The following ABCC1 variants were observed in gnomAD, a reference collection of about 807,000 sequenced individuals.
ABCC1 encodes the protein multidrug resistance-associated protein 1.
ABCC1 carries 83 observed loss-of-function variants against 172.9 expected under a neutral mutation model. That is an observed-to-expected ratio of 0.48 (90% CI 0.40 to 0.58). The LOEUF (loss-of-function observed/expected upper bound fraction) is 0.58. ABCC1 is among the 20% of genes least tolerant of loss of function. The pLI, the probability that ABCC1 is intolerant of heterozygous loss-of-function variation, is 0.00. For synonymous variants in ABCC1, 937 were observed against 825.2 expected, an observed-to-expected ratio of 1.14 and a Z score of -2.32; for missense variants, 1,817 against 2,002.7, an observed-to-expected ratio of 0.91 and a Z score of 1.77.
At chr16:16,098,852 T>A (rs2152046330) in intron 19 of ABCC1, 2 of 1,352,042 alleles carry the variant, frequency 1.5e-6, no homozygotes, top group Middle Eastern at 4.2e-4. Context: ...TAACAATATC[T>A]TGGGTCTTCT....
intron 24 of ABCC1, among the ~76,000 whole-genome samples, chr16:16,124,524 AG>A (rs1465842180): frequency 6.6e-6 from 1 of 152,156 alleles, no homozygotes; most frequent in Non-Finnish European, 1.5e-5. Context: ...TTCAGATTCC[AG>A]GGAAGATTGC....
rs756593271 is a variant in ABCC1, at chr16:16,083,368, C to A, written c.2118C>A (p.Gly706=). The A allele has an allele frequency of 1.2e-6, 2 of 1,612,976 alleles. No homozygotes were observed. The highest frequency in any genetic ancestry group is 1.7e-6 in the Non-Finnish European group (2 of 1,179,764). The change falls in exon 17 of 31, where the codon GGC becomes GGA. Residue 706 remains glycine, a splice_region_variant and synonymous_variant. Transcript: ENST00000399410. ...CTCGTTCTCCATTTGCAACTTAGGG[C>A]TCCGTGGCCTATGTGCCACAGCAGG... is the stretch of plus-strand genomic sequence containing the variant. ...DKVEGHVAIK[G]SVAYVPQQAW...
Position 15,983,552 on chromosome 16 carries a change from C to CTTTTT in ABCC1, c.49-24251_49-24247dup, listed in dbSNP as rs11416710. On this transcript the variant is annotated intron_variant, in intron 1 of 30. Coordinates refer to ENST00000399410, the MANE Select transcript of ABCC1 (RefSeq NM_004996.4). ...ACATGTCTTCTAATGGTACACCACA[C>CTTTTT]TTTTTTTTTTTTTTTTTGGTTTTGA... Among the ~76,000 whole-genome samples the CTTTTT allele has an allele frequency of 1.9e-4, 24 of 126,518 alleles. 1 individual carries two copies. Among genetic ancestry groups the CTTTTT allele is most frequent in the South Asian group, 1.3e-3 (5 of 3,972 alleles). The allele number at this position is 126,518 out of a possible 152,430, so 83.0% of individuals were successfully genotyped here.
chr16:15,969,497 C>G (rs569986078), intron 1 of ABCC1, among the ~76,000 whole-genome samples: 14 of 151,858 alleles, frequency 9.2e-5, no homozygotes, highest in Non-Finnish European at 1.9e-4. Context: ...CTCAGCCCCC[C>G]GAGTAGCTGG....
At chr16:16,112,730 C>T (rs1356685844) in intron 22 of ABCC1, among the ~76,000 whole-genome samples, 2 of 152,198 alleles carry the variant, frequency 1.3e-5, no homozygotes, top group African/African-American at 2.4e-5. Flanking sequence ...TTTGCAAATA[C>T]ACATGTATGG....
chr16:16,001,901 T>C (rs1197767384), intron 1 of ABCC1, among the ~76,000 whole-genome samples: 2 of 152,230 alleles, frequency 1.3e-5, no homozygotes, highest in East Asian at 3.9e-4. Context: ...TATATATATG[T>C]GAGACAGAGT....
intron 21 of ABCC1, among the ~76,000 whole-genome samples, chr16:16,107,747 T>C (rs1468505322): frequency 1.3e-5 from 2 of 152,170 alleles, no homozygotes; most frequent in Admixed American, 1.3e-4. Context: ...ATCGTCTATT[T>C]TGGGCAAGTG....
intron 1 of ABCC1, among the ~76,000 whole-genome samples, chr16:15,982,329 G>A (rs215058): frequency 0.83 from 126,436 of 151,978 alleles, 52,765 homozygotes; most frequent in Non-Finnish European, 0.86. Flanking sequence ...AAGAGATTTA[G>A]TTGGCCCACA....
chr16:15,955,636 A>G (rs1198153177), intron 1 of ABCC1, among the ~76,000 whole-genome samples: 1 of 151,962 alleles, frequency 6.6e-6, no homozygotes, highest in East Asian at 1.9e-4. Context: ...TGTTTCTCCT[A>G]CCTACTATGT....
intron 28 of ABCC1, among the ~76,000 whole-genome samples, chr16:16,136,084 C>T (rs1157311834): frequency 6.0e-5 from 9 of 151,070 alleles, no homozygotes; most frequent in African/African-American, 2.2e-4. Context: ...AGTGCAGTGG[C>T]ACAATCTTGG....
At chr16:16,035,355 C>T (rs1197887680) in intron 6 of ABCC1, among the ~76,000 whole-genome samples, 2 of 151,992 alleles carry the variant, frequency 1.3e-5, no homozygotes, top group African/African-American at 4.8e-5. Flanking sequence ...TGAGATGGCG[C>T]CATTACACTC....
chr16:16,072,297 T>C (rs1175559437), intron 14 of ABCC1, among the ~76,000 whole-genome samples: 3 of 151,866 alleles, frequency 2.0e-5, no homozygotes, highest in Non-Finnish European at 2.9e-5. Context: ...CCTCTGACCT[T>C]AGCCTCCCAA....
At chr16:15,974,807 TAC>T (rs1185145437) in intron 1 of ABCC1, among the ~76,000 whole-genome samples, 2 of 152,182 alleles carry the variant, frequency 1.3e-5, no homozygotes, top group African/African-American at 4.8e-5. Flanking sequence ...CTTTTTATGA[TAC>T]AGAGTCTCAC....
intron 5 of ABCC1, among the ~76,000 whole-genome samples, chr16:16,020,400 A>G (rs780991292): frequency 6.6e-6 from 1 of 152,142 alleles, no homozygotes; most frequent in East Asian, 1.9e-4. Context: ...TGGGGTTGCC[A>G]TTTACCTTTT....
chr16:16,100,879 G>A (rs911846327), intron 19 of ABCC1, among the ~76,000 whole-genome samples: 2 of 152,190 alleles, frequency 1.3e-5, no homozygotes, highest in African/African-American at 4.8e-5. Flanking sequence ...CAGGAAGTGA[G>A]AGAACACTTC....
chr16:15,990,298 C>T (rs796813524), intron 1 of ABCC1, among the ~76,000 whole-genome samples: 6 of 152,298 alleles, frequency 3.9e-5, no homozygotes, highest in South Asian at 2.1e-4. Flanking sequence ...CCACCCTCCT[C>T]GGCCTCCCAA....
rs758583994 is a variant in ABCC1 at position 16,141,230 on chromosome 16, G to T, written c.4545G>T (p.Leu1515=). 1.9e-6 allele frequency: 3 copies of T among 1,614,068 alleles called. No individual in the cohort carries two copies. The highest frequency in any genetic ancestry group is 2.2e-5 in the South Asian group (2 of 91,076). ...AGTACGGCGCCCCATCGGACCTCCT[G>T]CAGCAGAGAGGTCTTTTCTACAGCA... ...IQEYGAPSDL[L]QQRGLFYSMA... Residue 1515 remains leucine, a synonymous_variant, in exon 31 of 31, where the codon CTG becomes CTT. Transcript: ENST00000399410.
chr16:16,076,217 T>A, intron 14 of ABCC1, 109 bp from the exon 15 acceptor site: 11 of 1,072,086 alleles, frequency 1.0e-5, no homozygotes, highest in Non-Finnish European at 1.5e-5. Context: ...CCTAGCGCCA[T>A]TCGTGCCAAG....
rs188118148 is a variant in ABCC1, at chr16:15,976,875, C to T, written c.48+27076C>T. Among the ~76,000 whole-genome samples the T allele has an allele frequency of 2.6e-5, 4 of 152,292 alleles. No individual in the cohort carries two copies. In the East Asian group the frequency reaches 5.8e-4, roughly 22 times the overall value. ...GCCAGAGAGATTGGGTGGCTTCCCC[C>T]AGGCCACACAGCCTGGAAGTAGTAG... On this transcript the variant is annotated intron_variant, in intron 1 of 30. Transcript: ENST00000399410.
Sources: gnomAD v4.1 joint callset for allele counts (sites outside exome capture counted in the v4.1 genomes callset) on GRCh38, gnomAD v4.1.1 for gene constraint, MANE v1.5 for transcripts, NCBI Gene and HGNC (gene_info 2026-07-23, HGNC 2026-07-21) for gene names.